STXBP5L: variants seen among roughly 807,000 people sequenced by gnomAD.
The protein encoded by STXBP5L is syntaxin-binding protein 5-like.
In STXBP5L, 65 loss-of-function variants were observed where a neutral mutation model predicts 144.5. The ratio of observed to expected loss-of-function variants is 0.45; its 90% CI spans 0.37 to 0.55. STXBP5L has a LOEUF of 0.55. Ranked by LOEUF, STXBP5L falls within the 20% of genes least tolerant of loss-of-function variation. The pLI, the probability that STXBP5L is intolerant of heterozygous loss-of-function variation, is 0.00. For missense variants in STXBP5L, 1,298 were observed against 1,405.5 expected (o/e 0.92, Z 1.22); for synonymous variants, 505 against 469.6 (o/e 1.08, Z -0.97).
intron 2 of STXBP5L, among the ~76,000 whole-genome samples, chr3:120,913,677 A>G (rs751139149): frequency 1.3e-5 from 2 of 151,996 alleles, no homozygotes; most frequent in Non-Finnish European, 2.9e-5. Context: ...ATTCATATCT[A>G]CAACTTTCAG....
chr3:121,295,097 T>TG (rs2051597139), intron 19 of STXBP5L, among the ~76,000 whole-genome samples: 1 of 152,098 alleles, frequency 6.6e-6, no homozygotes, highest in Non-Finnish European at 1.5e-5. Context: ...AGGAGTAGTT[T>TG]GGGGTTTTTT....
chr3:121,081,121 T>C (rs2042230631), intron 5 of STXBP5L, among the ~76,000 whole-genome samples: 1 of 152,102 alleles, frequency 6.6e-6, no homozygotes, highest in Non-Finnish European at 1.5e-5. Flanking sequence ...CTGAAATTCT[T>C]TCTTCTACTT....
At chr3:121,208,158 A>G (rs2048412624) in intron 10 of STXBP5L, among the ~76,000 whole-genome samples, 3 of 152,188 alleles carry the variant, frequency 2.0e-5, no homozygotes, top group Non-Finnish European at 1.5e-5. Flanking sequence ...CAGTCATAAA[A>G]AAGGATGAGT....
At chr3:121,015,909 T>C (rs1209936494) in intron 3 of STXBP5L, among the ~76,000 whole-genome samples, 2 of 152,116 alleles carry the variant, frequency 1.3e-5, no homozygotes, top group Non-Finnish European at 2.9e-5. Context: ...AAGACTGAGA[T>C]TTAATCATAA....
At chr3:121,417,652 A>G (rs2047269665) in intron 25 of STXBP5L, among the ~76,000 whole-genome samples, 1 of 152,100 alleles carries the variant, frequency 6.6e-6, no homozygotes, top group Non-Finnish European at 1.5e-5. Context: ...TTTGGTAGAG[A>G]CAGGGTTTCA....
At chr3:121,096,289 TG>T (rs59163042) in intron 5 of STXBP5L, among the ~76,000 whole-genome samples, 40 of 152,324 alleles carry the variant, frequency 2.6e-4, no homozygotes, top group African/African-American at 9.1e-4. Context: ...TTGCTTGCAT[TG>T]GGTTAGAATA....
At chr3:120,987,036 C>T (rs531897317) in intron 3 of STXBP5L, among the ~76,000 whole-genome samples, 1 of 151,850 alleles carries the variant, frequency 6.6e-6, no homozygotes, top group East Asian at 1.9e-4. Flanking sequence ...AAATAATGAC[C>T]AAAGCTTTCC....
intron 20 of STXBP5L, among the ~76,000 whole-genome samples, chr3:121,348,065 GC>G (rs1410972134): frequency 2.0e-5 from 3 of 152,086 alleles, no homozygotes; most frequent in African/African-American, 4.8e-5. Flanking sequence ...TCCAGTTTTT[GC>G]CCATTCAGTA....
intron 5 of STXBP5L, among the ~76,000 whole-genome samples, chr3:121,066,535 T>C (rs892329436): frequency 2.0e-5 from 3 of 152,062 alleles, no homozygotes; most frequent in South Asian, 2.1e-4. Flanking sequence ...AAATGTTAGA[T>C]GACCCTTGCA....
chr3:121,218,117 GTATAA>G lies in STXBP5L; in HGVS notation c.957-4877_957-4873del, dbSNP rs571664182. Among the ~76,000 whole-genome samples the G allele has an allele frequency of 4.4e-3, 607 of 137,770 alleles. 3 individuals carry two copies. Among genetic ancestry groups the G allele is most frequent in the African/African-American group, 0.015 (563 of 36,962 alleles). The allele number at this position is 137,770 out of a possible 152,430, so 90.4% of individuals were successfully genotyped here. A position where few individuals can be genotyped will look rare whatever the true frequency, so the allele number is the denominator to read the frequency against. The stretch of plus-strand genomic sequence containing the variant: ...AGTATAATATATAATATACTATATA[GTATAA>G]TATAATATGTAGTATAATGTAATGT... On this transcript the variant is annotated intron_variant, in intron 10 of 26. Transcript: ENST00000471454.
chr3:121,203,334 A>G (rs1240239217), intron 9 of STXBP5L, among the ~76,000 whole-genome samples: 1 of 152,132 alleles, frequency 6.6e-6, no homozygotes, highest in Non-Finnish European at 1.5e-5. Context: ...TAATCTAGTC[A>G]AATTGGCCTG....
Position 121,002,203 on chromosome 3 carries a change from CTCA to C in STXBP5L, c.288-39493_288-39491del, listed in dbSNP as rs146832107. ...ACAGTTGTTTCTTTTTCTTCACATT[CTCA>C]TCAACACTTATCTTTCTTCTCTTTG... On this transcript the variant is annotated intron_variant, in intron 3 of 26. Coordinates refer to ENST00000471454, the MANE Select transcript of STXBP5L (RefSeq NM_001308330.2). Among the ~76,000 whole-genome samples, 106 of 152,128 alleles carry C rather than the reference CTCA, an allele frequency of 7.0e-4. 2 individuals are homozygous for C. In the East Asian group the frequency reaches 0.018, roughly 26 times the overall value.
chr3:121,058,394 G>C (rs1413236491), intron 5 of STXBP5L, among the ~76,000 whole-genome samples: 3 of 152,198 alleles, frequency 2.0e-5, no homozygotes, highest in Non-Finnish European at 2.9e-5. Flanking sequence ...ATTTGGGTTG[G>C]TTGCAAGTCT....
chr3:121,140,548 A>C (rs1289037602), intron 7 of STXBP5L, among the ~76,000 whole-genome samples: 1 of 152,220 alleles, frequency 6.6e-6, no homozygotes, highest in Non-Finnish European at 1.5e-5. Flanking sequence ...ATGGAATACT[A>C]TTCAGCCATA....
intron 8 of STXBP5L, among the ~76,000 whole-genome samples, chr3:121,156,489 T>C (rs1229805903): frequency 2.0e-5 from 3 of 151,982 alleles, no homozygotes; most frequent in Non-Finnish European, 2.9e-5. Flanking sequence ...TTACCCAAGT[T>C]CTGTATGTAC....
rs1228303266 is a variant in STXBP5L at position 120,909,685 on chromosome 3, C to T, written c.107C>T (p.Ser36Phe). 3.7e-6 allele frequency: 6 copies of T among 1,612,730 alleles called. No individual in the cohort carries two copies. In the South Asian group the frequency reaches 4.4e-5, roughly 12 times the overall value. Residue 36 changes from serine to phenylalanine, a missense_variant, in exon 2 of 27, where the codon TCC becomes TTC. Transcript: ENST00000471454. ...AGTGGTGGTGGGGCTGGAAGTGGTT[C>T]CGTACATCCGGCGGGGACTGCAGGG... is the stretch of plus-strand genomic sequence containing the variant. The part of the protein sequence containing the change: ...SNSGGGAGSG[S>F]VHPAGTAGVL...
chr3:120,976,144 G>A (rs1221973936), intron 3 of STXBP5L, among the ~76,000 whole-genome samples: 3 of 152,184 alleles, frequency 2.0e-5, no homozygotes, highest in Non-Finnish European at 4.4e-5. Flanking sequence ...TGTACCTCGG[G>A]TAGAATTCGG....
chr3:121,064,813 G>A (rs1313117185), intron 5 of STXBP5L, among the ~76,000 whole-genome samples: 1 of 152,172 alleles, frequency 6.6e-6, no homozygotes, highest in Non-Finnish European at 1.5e-5. Flanking sequence ...ATGTGATGCT[G>A]AGGTTTGGGG....
At chr3:120,931,835 A>G (rs1452063852) in intron 2 of STXBP5L, among the ~76,000 whole-genome samples, 1 of 152,172 alleles carries the variant, frequency 6.6e-6, no homozygotes, top group Non-Finnish European at 1.5e-5. Flanking sequence ...CCATATTTGT[A>G]TTTGTTATGT....
Sources: allele counts gnomAD v4.1 joint callset (sites outside exome capture counted in the v4.1 genomes callset), GRCh38; gene constraint gnomAD v4.1.1; transcripts MANE v1.5; gene names NCBI Gene and HGNC (gene_info 2026-07-23, HGNC 2026-07-21).